The following RBFOX2 variants were observed in gnomAD, a reference collection of about 807,000 sequenced individuals.
RBFOX2 encodes the protein RNA binding protein fox-1 homolog 2.
A neutral mutation model predicts 49.1 loss-of-function variants in RBFOX2; 10 were observed. The observed-to-expected ratio is 0.20, with a 90% CI of 0.13 to 0.35. The LOEUF is 0.35. Among genes scored for constraint, RBFOX2 ranks in the 10% least tolerant of loss-of-function variants. The pLI is 1.00. For synonymous variants in RBFOX2, 183 were observed against 187.4 expected (o/e 0.98, Z 0.19); for missense variants, 323 against 486.9 (o/e 0.66, Z 3.17).
At chr22:35,971,421 T>C (rs1270495874) in intron 1 of RBFOX2, among the ~76,000 whole-genome samples, 1 of 152,132 alleles carries the variant, frequency 6.6e-6, no homozygotes, top group Non-Finnish European at 1.5e-5. Context: ...CATTCTCATG[T>C]TCCCAATCCC....
chr22:35,831,182 G>A (rs1236476466), intron 1 of RBFOX2, among the ~76,000 whole-genome samples: 2 of 152,148 alleles, frequency 1.3e-5, no homozygotes, highest in Admixed American at 6.5e-5. Context: ...GGTGGCTTAC[G>A]CCTGTAATCC....
chr22:35,954,207 G>A (rs1465402517), intron 1 of RBFOX2, among the ~76,000 whole-genome samples: 1 of 151,892 alleles, frequency 6.6e-6, no homozygotes, highest in Admixed American at 6.6e-5. Flanking sequence ...TTTTCTAACT[G>A]TTCAACAAAT....
At position 35,853,184 on chromosome 22, in the gene RBFOX2, C is replaced by T. The variant is rs534826133; in HGVS notation, c.-33-43180G>A. The stretch of plus-strand genomic sequence containing the variant: ...TGGTGGGTGCCTGTAATCCCAGCTA[C>T]TCAGGAGGCTCAGGTGGCAGAATCA... On this transcript the variant is annotated intron_variant, in intron 1 of 13. Coordinates refer to the RBFOX2 transcript ENST00000359369. Among the ~76,000 whole-genome samples the T allele has an allele frequency of 4.6e-4, 70 of 151,474 alleles. 1 individual carries two copies. Among genetic ancestry groups the T allele is most frequent in the Non-Finnish European group, 2.2e-4 (15 of 67,920 alleles).
intron 1 of RBFOX2, among the ~76,000 whole-genome samples, chr22:35,960,858 A>G (rs905591041): frequency 2.6e-5 from 4 of 152,154 alleles, no homozygotes; most frequent in Non-Finnish European, 4.4e-5. Context: ...GCCGATTCCG[A>G]ATGAGAGTTC....
intron 1 of RBFOX2, among the ~76,000 whole-genome samples, chr22:35,831,575 ATC>A (rs1402753068): frequency 6.6e-6 from 1 of 152,268 alleles, no homozygotes; most frequent in Non-Finnish European, 1.5e-5. Flanking sequence ...TTTACTTATC[ATC>A]TATAGCTTCT....
chr22:35,739,960 A>T (rs1929033367), exon 12 of RBFOX2: 1 of 152,652 alleles, frequency 6.6e-6, no homozygotes, highest in Admixed American at 6.5e-5. Context: ...TTTCCTGAGT[A>T]AACTGTAACT....
At chr22:35,842,782 A>G (rs1038716141), upstream of RBFOX2, among the ~76,000 whole-genome samples, 4 of 151,998 alleles carry the variant, frequency 2.6e-5, no homozygotes, top group African/African-American at 9.7e-5. Context: ...GGAAAGAGAC[A>G]AGGCCCCAAG....
At chr22:35,942,446 A>G (rs1402252217), upstream of RBFOX2, among the ~76,000 whole-genome samples, 1 of 152,160 alleles carries the variant, frequency 6.6e-6, no homozygotes, top group Admixed American at 6.5e-5. Context: ...TTTTCAAAAC[A>G]GTGTTGTTTG....
intron 1 of RBFOX2, among the ~76,000 whole-genome samples, chr22:35,859,547 T>C (rs1207305358): frequency 6.6e-6 from 1 of 152,200 alleles, no homozygotes; most frequent in East Asian, 1.9e-4. Flanking sequence ...AAACACTCCT[T>C]TGCATGACAC....
intron 1 of RBFOX2, among the ~76,000 whole-genome samples, chr22:35,866,952 T>C (rs2043757838): frequency 6.6e-6 from 1 of 152,186 alleles, no homozygotes; most frequent in South Asian, 2.1e-4. Context: ...ACAGAATGTG[T>C]AACAGTATCT....
chr22:36,004,245 T>C (rs2058540590), intron 1 of RBFOX2, among the ~76,000 whole-genome samples: 1 of 152,160 alleles, frequency 6.6e-6, no homozygotes, highest in Admixed American at 6.6e-5. Context: ...CTTTCAAAAC[T>C]GAGACTCCAA....
At chr22:35,893,130 C>A (rs2047441381) in intron 1 of RBFOX2, among the ~76,000 whole-genome samples, 1 of 152,202 alleles carries the variant, frequency 6.6e-6, no homozygotes, top group Non-Finnish European at 1.5e-5. Flanking sequence ...TCATGGCATA[C>A]ATAGGAAATA....
At chr22:35,890,671 C>G (rs1569461818) in intron 1 of RBFOX2, among the ~76,000 whole-genome samples, 3 of 152,128 alleles carry the variant, frequency 2.0e-5, no homozygotes, top group African/African-American at 7.2e-5. Context: ...CTAACTCTGA[C>G]AATTGCAAAC....
intron 1 of RBFOX2, among the ~76,000 whole-genome samples, chr22:35,829,861 C>CGTCCTT (rs1212201678): frequency 6.6e-6 from 1 of 152,118 alleles, no homozygotes; most frequent in Non-Finnish European, 1.5e-5. Flanking sequence ...TCATGCCCTT[C>CGTCCTT]GTCCTTCCTG....
At chr22:35,990,110 G>A (rs1433066260) in intron 1 of RBFOX2, among the ~76,000 whole-genome samples, 2 of 152,146 alleles carry the variant, frequency 1.3e-5, no homozygotes, top group Non-Finnish European at 2.9e-5. Flanking sequence ...TTCAACTCAG[G>A]AGGCAGAGGT....
At chr22:35,852,065 A>G (rs1265111602) in intron 1 of RBFOX2, among the ~76,000 whole-genome samples, 1 of 152,094 alleles carries the variant, frequency 6.6e-6, no homozygotes, top group Non-Finnish European at 1.5e-5. Context: ...AAAGCAATAA[A>G]AAAAACCCAA....
intron 2 of RBFOX2, among the ~76,000 whole-genome samples, chr22:35,784,231 G>A (rs1378064898): frequency 6.6e-6 from 1 of 152,226 alleles, no homozygotes; most frequent in Non-Finnish European, 1.5e-5. Context: ...AAAGCAGTTA[G>A]GGAGAGCTTC....
upstream of RBFOX2, among the ~76,000 whole-genome samples, chr22:35,844,777 A>G (rs1181248601): frequency 1.3e-5 from 2 of 151,018 alleles, no homozygotes; most frequent in African/African-American, 2.4e-5. Context: ...AAGTGCTGGG[A>G]TTACAGGCGT....
intron 1 of RBFOX2, among the ~76,000 whole-genome samples, chr22:35,908,297 TG>T (rs1162371141): frequency 2.0e-5 from 3 of 152,226 alleles, no homozygotes; most frequent in Non-Finnish European, 4.4e-5. Flanking sequence ...AATGGGATTT[TG>T]TCCCTATAAA....
Sources: gnomAD v4.1 joint callset for allele counts (sites outside exome capture counted in the v4.1 genomes callset) on GRCh38, gnomAD v4.1.1 for gene constraint, MANE v1.5 for transcripts, NCBI Gene and HGNC (gene_info 2026-07-23, HGNC 2026-07-21) for gene names.